Variants in TMEM132D observed in about 807,000 individuals in gnomAD.
TMEM132D encodes mature OL transmembrane protein.
TMEM132D carries 21 observed loss-of-function variants against 62.3 expected under a neutral mutation model. That is an observed-to-expected ratio of 0.34 (90% CI 0.24 to 0.49). The LOEUF (loss-of-function observed/expected upper bound fraction) is 0.49. Ranked by LOEUF, TMEM132D falls within the 20% of genes least tolerant of loss-of-function variation. TMEM132D has a pLI of 0.99. For missense variants in TMEM132D, 1,346 were observed against 1,402.8 expected (o/e 0.96, Z 0.65); for synonymous variants, 621 against 575.6 (o/e 1.08, Z -1.13).
intron 3 of TMEM132D, among the ~76,000 whole-genome samples, chr12:129,524,928 T>TC (rs1764910860): frequency 3.1e-4 from 4 of 12,890 alleles, no homozygotes; most frequent in South Asian, 5.7e-3. Flanking sequence ...TTCTTTTTTC[T>TC]TTTTTTTTTT....
At chr12:129,762,948 T>C (rs911631909) in intron 1 of TMEM132D, among the ~76,000 whole-genome samples, 1 of 152,214 alleles carries the variant, frequency 6.6e-6, no homozygotes. Flanking sequence ...AAACATGCTA[T>C]GCAGATGGAA....
chr12:129,274,334 A>C (rs1880943189), intron 4 of TMEM132D, among the ~76,000 whole-genome samples: 1 of 149,358 alleles, frequency 6.7e-6, no homozygotes, highest in Non-Finnish European at 1.5e-5. Flanking sequence ...AATTAGAAGC[A>C]ACTTTAGTTA....
intron 4 of TMEM132D, among the ~76,000 whole-genome samples, chr12:129,224,676 G>A (rs1879433602): frequency 6.6e-6 from 1 of 152,118 alleles, no homozygotes; most frequent in Non-Finnish European, 1.5e-5. Context: ...GGACGTCGAG[G>A]CAGCAGATCA....
At chr12:129,383,144 G>A (rs567024686) in intron 3 of TMEM132D, among the ~76,000 whole-genome samples, 131 of 152,256 alleles carry the variant, frequency 8.6e-4, no homozygotes, top group African/African-American at 2.9e-3. Flanking sequence ...CATCTGAGCC[G>A]CCCACTGTCG....
intron 3 of TMEM132D, among the ~76,000 whole-genome samples, chr12:129,362,755 G>A (rs747275173): frequency 2.0e-5 from 3 of 152,114 alleles, no homozygotes; most frequent in Non-Finnish European, 2.9e-5. Context: ...AGCCCTAGAT[G>A]AGACTTGGGC....
rs538585787 is a variant in TMEM132D at position 129,486,336 on chromosome 12, G to A, written c.1115+44723C>T. Among the ~76,000 whole-genome samples the A allele has an allele frequency of 1.9e-4, 29 of 152,156 alleles. 1 individual carries two copies. The highest frequency in any genetic ancestry group is 6.5e-4 in the Admixed American group (10 of 15,288). ...AATTTTAAAACGCCCTCTAACACTT[G>A]TCTCAGGTCTTTCTTCTGGGTGAAT... is the stretch of plus-strand genomic sequence containing the variant. On this transcript the variant is annotated intron_variant, in intron 3 of 8. Coordinates refer to ENST00000422113, the MANE Select transcript of TMEM132D (RefSeq NM_133448.3).
chr12:129,382,738 A>G (rs1870986706), intron 3 of TMEM132D, among the ~76,000 whole-genome samples: 1 of 152,164 alleles, frequency 6.6e-6, no homozygotes. Flanking sequence ...AGGCTTTTGA[A>G]AAAGTCAAAA....
At chr12:129,896,408 AT>A (rs1875135415) in intron 1 of TMEM132D, among the ~76,000 whole-genome samples, 1 of 152,200 alleles carries the variant, frequency 6.6e-6, no homozygotes. Flanking sequence ...CAATGTCGCC[AT>A]CTGTTTTGAT....
At chr12:129,641,777 C>T (rs909495183) in intron 2 of TMEM132D, among the ~76,000 whole-genome samples, 2 of 152,102 alleles carry the variant, frequency 1.3e-5, no homozygotes, top group Non-Finnish European at 2.9e-5. Context: ...ATTCATCCCA[C>T]CGCACTTGTC....
chr12:129,901,347 G>C (rs61550562), intron 1 of TMEM132D, among the ~76,000 whole-genome samples: 1,550 of 152,314 alleles, frequency 0.01, 27 homozygotes, highest in African/African-American at 0.036. Flanking sequence ...TCTGCATCAT[G>C]AAATTCCATT....
intron 5 of TMEM132D, among the ~76,000 whole-genome samples, chr12:129,107,757 G>A (rs1875547028): frequency 6.6e-6 from 1 of 152,138 alleles, no homozygotes; most frequent in African/African-American, 2.4e-5. Context: ...CACAATCATA[G>A]TTCACTGAAG....
At chr12:129,165,355 G>A (rs569102613) in intron 5 of TMEM132D, among the ~76,000 whole-genome samples, 2 of 152,196 alleles carry the variant, frequency 1.3e-5, no homozygotes, top group Non-Finnish European at 1.5e-5. Flanking sequence ...ATTTCATGGT[G>A]TGTAAAGTCT....
At chr12:129,672,339 G>A (rs1202624797) in intron 2 of TMEM132D, among the ~76,000 whole-genome samples, 1 of 152,222 alleles carries the variant, frequency 6.6e-6, no homozygotes, top group Non-Finnish European at 1.5e-5. Flanking sequence ...CCAGCTGGAT[G>A]TGAAGGATGG....
chr12:129,120,503 T>C (rs961259862), intron 5 of TMEM132D, among the ~76,000 whole-genome samples: 1 of 152,162 alleles, frequency 6.6e-6, no homozygotes, highest in African/African-American at 2.4e-5. Context: ...TACCTGGCCA[T>C]ACTCTTCAAA....
At chr12:129,402,268 T>C (rs998825668) in intron 3 of TMEM132D, among the ~76,000 whole-genome samples, 2 of 152,138 alleles carry the variant, frequency 1.3e-5, no homozygotes, top group African/African-American at 4.8e-5. Context: ...GTCCCTGAGG[T>C]CTGCACAAAA....
rs548275685 is a variant in TMEM132D at position 129,574,285 on chromosome 12, G to C, written c.969-43080C>G. Among the ~76,000 whole-genome samples, 5 of 152,024 alleles carry C rather than the reference G, an allele frequency of 3.3e-5. No homozygotes were observed. In the South Asian group the frequency reaches 1.0e-3, roughly 31 times the overall value. On this transcript the variant is annotated intron_variant, in intron 2 of 8. Transcript: ENST00000422113. ...GTTAATTATAGAATCTAGGTGATGG[G>C]TATATGGGTGTTAAGTGTAAAATCT...
At chr12:129,831,540 C>G (rs533854864) in intron 1 of TMEM132D, among the ~76,000 whole-genome samples, 1 of 152,340 alleles carries the variant, frequency 6.6e-6, no homozygotes, top group African/African-American at 2.4e-5. Context: ...AAAAATAAAA[C>G]AGGGTGGATT....
intron 5 of TMEM132D, among the ~76,000 whole-genome samples, chr12:129,089,729 C>T (rs1329447381): frequency 6.6e-6 from 1 of 152,238 alleles, no homozygotes; most frequent in African/African-American, 2.4e-5. Flanking sequence ...GCTCATCTCA[C>T]CTAGTGTTCA....
chr12:129,350,034 CT>C (rs1183305550), intron 3 of TMEM132D, among the ~76,000 whole-genome samples: 1 of 152,096 alleles, frequency 6.6e-6, no homozygotes, highest in Non-Finnish European at 1.5e-5. Context: ...ATCTGGCTGT[CT>C]TTATTACCTG....
Sources: gnomAD v4.1 joint callset for allele counts (sites outside exome capture counted in the v4.1 genomes callset) on GRCh38, gnomAD v4.1.1 for gene constraint, MANE v1.5 for transcripts, NCBI Gene and HGNC (gene_info 2026-07-23, HGNC 2026-07-21) for gene names.